Variants in IFT57 observed in about 807,000 individuals in gnomAD.
IFT57 encodes the protein intraflagellar transport protein 57 homolog.
In IFT57, 59 loss-of-function variants were observed where a neutral mutation model predicts 56.8. The ratio of observed to expected loss-of-function variants is 1.04; its 90% CI spans 0.84 to 1.29. The LOEUF is 1.29. Among genes scored for constraint, IFT57 ranks in the 50% most tolerant of loss-of-function variants. The pLI is 0.00. For missense variants in IFT57, 470 were observed against 522.1 expected (o/e 0.90, Z 0.97); for synonymous variants, 209 against 186.1 (o/e 1.12, Z -1.00).
At chr3:108,175,919 G>GA (rs1056318365) in intron 6 of IFT57, among the ~76,000 whole-genome samples, 5 of 151,712 alleles carry the variant, frequency 3.3e-5, no homozygotes, top group African/African-American at 1.2e-4. Context: ...TCTATGCTCA[G>GA]AAAAAACCCT....
At chr3:108,188,194 C>G (rs2080195469) in intron 6 of IFT57, among the ~76,000 whole-genome samples, 1 of 151,962 alleles carries the variant, frequency 6.6e-6, no homozygotes, top group African/African-American at 2.4e-5. Context: ...GGGTCGACCA[C>G]GATGCTGGAG....
chr3:108,199,084 T>C (rs2080262380), intron 5 of IFT57, among the ~76,000 whole-genome samples: 1 of 152,224 alleles, frequency 6.6e-6, no homozygotes, highest in African/African-American at 2.4e-5. Context: ...TACATAACTT[T>C]GGGCTAATTA....
intron 1 of IFT57, among the ~76,000 whole-genome samples, chr3:108,221,266 C>T (rs1474449993): frequency 6.6e-6 from 1 of 152,128 alleles, no homozygotes; most frequent in African/African-American, 2.4e-5. Flanking sequence ...TACTGATTGC[C>T]TTTTATGGAA....
rs1476711387 is a variant in IFT57 at position 108,166,845 on chromosome 3, T to C, written c.981+9A>G. ...TTGAATAAATCCTTGGAAATCATTC[T>C]TAAATTACCTCACTCAGCTGGGCTT... is the stretch of plus-strand genomic sequence containing the variant. On this transcript the variant is annotated intron_variant, in intron 8 of 10. Transcript: ENST00000264538. 1 of 1,605,978 alleles carries C rather than the reference T, an allele frequency of 6.2e-7. No individual in the cohort carries two copies. The highest frequency in any genetic ancestry group is 8.5e-7 in the Non-Finnish European group (1 of 1,176,024).
At chr3:108,197,058 TATC>T (rs1231517840) in intron 5 of IFT57, among the ~76,000 whole-genome samples, 1 of 152,198 alleles carries the variant, frequency 6.6e-6, no homozygotes, top group Non-Finnish European at 1.5e-5. Context: ...CAAAATTTTA[TATC>T]ATCATGACAA....
At position 108,167,838 on chromosome 3, in the gene IFT57, C is replaced by T; in HGVS notation, c.804G>A (p.Met268Ile). The part of the protein sequence containing the change: ...NKDWRIHVDQ[M>I]HQHRSGIESA... The stretch of plus-strand genomic sequence containing the variant: ...ATTCAATTCCACTTCTGTGCTGGTG[C>T]ATTTGGTCAACATGGATTCTCCAAT... The change falls in exon 7 of 11, where the codon ATG (methionine) becomes ATA (isoleucine). Residue 268 changes from methionine (M) to isoleucine (I), a missense_variant. Met to Ile is a conservative substitution (Grantham distance 10). Coordinates refer to ENST00000264538, the MANE Select transcript of IFT57 (RefSeq NM_018010.4). The T allele has an allele frequency of 6.3e-7, 1 of 1,592,840 alleles. No individual in the cohort carries two copies. Among genetic ancestry groups the T allele is most frequent in the Middle Eastern group, 1.7e-4 (1 of 5,970 alleles).
At chr3:108,197,259 A>G (rs1307840795) in intron 5 of IFT57, among the ~76,000 whole-genome samples, 4 of 152,188 alleles carry the variant, frequency 2.6e-5, no homozygotes, top group Admixed American at 2.6e-4. Flanking sequence ...GAATTCAGGC[A>G]CTGTGCTTGG....
intron 7 of IFT57, 150 bp downstream of exon 7, chr3:108,167,643 G>T: frequency 3.1e-6 from 1 of 327,438 alleles, no homozygotes; most frequent in Non-Finnish European, 5.7e-6. Context: ...TGGTTTAAAT[G>T]TAAGGTCAGT....
At chr3:108,218,492 C>T in intron 3 of IFT57, 43 bp downstream of exon 3, 4 of 850,722 alleles carry the variant, frequency 4.7e-6, no homozygotes, top group Non-Finnish European at 7.5e-6. Context: ...GAGGCAAATG[C>T]TATGCCCATA....
At chr3:108,204,187 G>GT (rs2080296197) in intron 5 of IFT57, among the ~76,000 whole-genome samples, 1 of 152,130 alleles carries the variant, frequency 6.6e-6, no homozygotes, top group Non-Finnish European at 1.5e-5. Context: ...AGCTTGCCAG[G>GT]TTTTTTAAAA....
intron 6 of IFT57, among the ~76,000 whole-genome samples, chr3:108,186,568 C>T (rs765534813): frequency 4.6e-5 from 7 of 152,038 alleles, no homozygotes; most frequent in Non-Finnish European, 8.8e-5. Context: ...TGTTTTATAA[C>T]GTGGACCCTT....
intron 5 of IFT57, among the ~76,000 whole-genome samples, chr3:108,193,883 C>G (rs2080229253): frequency 6.6e-6 from 1 of 152,204 alleles, no homozygotes. Context: ...GTCTTAGACT[C>G]TACGAGACCC....
At chr3:108,192,446 T>C (rs2080221632) in intron 5 of IFT57, among the ~76,000 whole-genome samples, 1 of 152,104 alleles carries the variant, frequency 6.6e-6, no homozygotes, top group Non-Finnish European at 1.5e-5. Flanking sequence ...CAATCATGAT[T>C]GTTTCTGAAT....
intron 2 of IFT57, 143 bp from the exon 3 acceptor site, chr3:108,218,796 A>G (rs2080388361): frequency 2.2e-6 from 1 of 458,224 alleles, no homozygotes; most frequent in Non-Finnish European, 3.9e-6. Flanking sequence ...CTTCATACAA[A>G]TCCATTTCAA....
chr3:108,178,972 T>C (rs1018555738), intron 6 of IFT57, among the ~76,000 whole-genome samples: 3 of 151,572 alleles, frequency 2.0e-5, no homozygotes, highest in Non-Finnish European at 4.4e-5. Context: ...TTTTAGCATA[T>C]AGAAGAATTT....
intron 4 of IFT57, among the ~76,000 whole-genome samples, chr3:108,209,920 G>GTA (rs1322151229): frequency 6.6e-6 from 1 of 151,578 alleles, no homozygotes; most frequent in Non-Finnish European, 1.5e-5. Flanking sequence ...TTCTATATGT[G>GTA]TGTGTGTGTG....
At chr3:108,189,728 T>G (rs1244992852) in intron 6 of IFT57, among the ~76,000 whole-genome samples, 1 of 152,156 alleles carries the variant, frequency 6.6e-6, no homozygotes, top group African/African-American at 2.4e-5. Context: ...GGTTGGTCGT[T>G]AGGGGCACTG....
intron 5 of IFT57, among the ~76,000 whole-genome samples, chr3:108,205,414 C>T (rs1000466694): frequency 6.6e-6 from 1 of 151,944 alleles, no homozygotes; most frequent in African/African-American, 2.4e-5. Context: ...AAGTTGACCA[C>T]AACGTTATAT....
chr3:108,171,632 C>T (rs900265565), intron 6 of IFT57, among the ~76,000 whole-genome samples: 1 of 151,728 alleles, frequency 6.6e-6, no homozygotes, highest in Non-Finnish European at 1.5e-5. Flanking sequence ...CAAGGCCCCT[C>T]CAAGTCAGCT....
Sources: gnomAD v4.1 joint callset for allele counts (sites outside exome capture counted in the v4.1 genomes callset) on GRCh38, gnomAD v4.1.1 for gene constraint, MANE v1.5 for transcripts, NCBI Gene and HGNC (gene_info 2026-07-23, HGNC 2026-07-21) for gene names.